Variants in GPC6 observed in about 807,000 individuals in gnomAD.
The protein encoded by GPC6 is glypican-6.
GPC6 carries 14 observed loss-of-function variants against 55.2 expected under a neutral mutation model. That is an observed-to-expected ratio of 0.25 (90% CI 0.17 to 0.40). The LOEUF is 0.40. GPC6 is among the 10% of genes least tolerant of loss of function. GPC6 has a pLI of 1.00. For missense variants in GPC6, 641 were observed against 708.5 expected (o/e 0.90, Z 1.08); for synonymous variants, 278 against 259.6 (o/e 1.07, Z -0.68).
intron 2 of GPC6, among the ~76,000 whole-genome samples, chr13:93,713,948 A>C (rs1260642532): frequency 2.6e-5 from 4 of 151,892 alleles, no homozygotes; most frequent in Non-Finnish European, 5.9e-5. Flanking sequence ...GATGGATTAA[A>C]TATTTAAGTG....
chr13:94,366,671 T>C (rs1323783616), intron 6 of GPC6, among the ~76,000 whole-genome samples: 1 of 151,676 alleles, frequency 6.6e-6, no homozygotes, highest in Non-Finnish European at 1.5e-5. Flanking sequence ...ATCCATGCTC[T>C]AAATCATGGC....
intron 4 of GPC6, among the ~76,000 whole-genome samples, chr13:94,173,961 A>T (rs1010006688): frequency 1.3e-5 from 2 of 152,204 alleles, no homozygotes; most frequent in Admixed American, 1.3e-4. Flanking sequence ...ATCTTTGATT[A>T]TCATCTTGAT....
chr13:94,383,729 A>G (rs1336177445), intron 7 of GPC6, among the ~76,000 whole-genome samples: 1 of 152,178 alleles, frequency 6.6e-6, no homozygotes, highest in Non-Finnish European at 1.5e-5. Flanking sequence ...TTATTAGTCC[A>G]TTCTCATGCT....
chr13:93,570,959 C>A (rs1876373170), intron 2 of GPC6, among the ~76,000 whole-genome samples: 1 of 151,972 alleles, frequency 6.6e-6, no homozygotes, highest in Non-Finnish European at 1.5e-5. Context: ...TGACGAGAGT[C>A]CTGATGTTGG....
At chr13:93,422,722 C>T (rs975085795) in intron 1 of GPC6, among the ~76,000 whole-genome samples, 3 of 152,128 alleles carry the variant, frequency 2.0e-5, no homozygotes, top group Admixed American at 6.6e-5. Flanking sequence ...GTATTCCAAA[C>T]ATATTTTTAC....
chr13:93,315,497 G>T (rs937195646), intron 1 of GPC6, among the ~76,000 whole-genome samples: 1 of 151,736 alleles, frequency 6.6e-6, no homozygotes, highest in South Asian at 2.1e-4. Flanking sequence ...TACTACCAAT[G>T]AATAGATAAG....
At chr13:93,974,484 G>A (rs950879182) in intron 3 of GPC6, among the ~76,000 whole-genome samples, 2 of 152,044 alleles carry the variant, frequency 1.3e-5, no homozygotes, top group Non-Finnish European at 2.9e-5. Flanking sequence ...ACATTCTAAT[G>A]TCAATGATGA....
At chr13:93,643,064 C>T (rs1880024725) in intron 2 of GPC6, among the ~76,000 whole-genome samples, 1 of 152,092 alleles carries the variant, frequency 6.6e-6, no homozygotes, top group African/African-American at 2.4e-5. Context: ...CTATTTTAAT[C>T]ACTAAAATAT....
chr13:93,906,471 C>T (rs2140331597), intron 3 of GPC6, among the ~76,000 whole-genome samples: 1 of 152,166 alleles, frequency 6.6e-6, no homozygotes, highest in Admixed American at 6.5e-5. Context: ...GCATGTTACC[C>T]AATGGTCCAA....
At chr13:93,704,752 G>A (rs1014740548) in intron 2 of GPC6, among the ~76,000 whole-genome samples, 5 of 151,932 alleles carry the variant, frequency 3.3e-5, no homozygotes, top group African/African-American at 7.2e-5. Context: ...GCAATGAGCC[G>A]ACTTGCAGAG....
intron 4 of GPC6, among the ~76,000 whole-genome samples, chr13:94,049,830 A>G (rs943344708): frequency 2.6e-5 from 4 of 152,128 alleles, no homozygotes; most frequent in Non-Finnish European, 5.9e-5. Flanking sequence ...TTCATCTTCA[A>G]CTATAGTTCC....
chr13:93,765,128 A>G (rs905511176), intron 2 of GPC6, among the ~76,000 whole-genome samples: 2 of 152,116 alleles, frequency 1.3e-5, no homozygotes, highest in South Asian at 2.1e-4. Context: ...TCATAAGCAT[A>G]TGTTTTTATA....
intron 2 of GPC6, among the ~76,000 whole-genome samples, chr13:93,605,418 T>C (rs1295021194): frequency 1.3e-5 from 2 of 152,224 alleles, no homozygotes; most frequent in Non-Finnish European, 2.9e-5. Flanking sequence ...ATTCCTCCTT[T>C]GATAGACTTT....
At chr13:93,454,186 T>A (rs2139305625) in intron 1 of GPC6, among the ~76,000 whole-genome samples, 1 of 141,380 alleles carries the variant, frequency 7.1e-6, no homozygotes. Flanking sequence ...TTTACAAACC[T>A]TGAGCTAGAT....
At chr13:94,218,351 G>A (rs1298857898) in intron 4 of GPC6, among the ~76,000 whole-genome samples, 1 of 152,090 alleles carries the variant, frequency 6.6e-6, no homozygotes, top group East Asian at 1.9e-4. Flanking sequence ...TGTACCCAAT[G>A]CCCACTTTGG....
chr13:93,288,053 T>G (rs575707313), intron 1 of GPC6, among the ~76,000 whole-genome samples: 2 of 152,326 alleles, frequency 1.3e-5, no homozygotes, highest in African/African-American at 4.8e-5. Context: ...TCCCTTTTAA[T>G]AAAATGTATC....
chr13:93,536,913 T>C (rs17300394), intron 1 of GPC6, among the ~76,000 whole-genome samples: 15,422 of 152,220 alleles, frequency 0.1, 934 homozygotes, highest in South Asian at 0.25. Context: ...CCTTTTAAAG[T>C]AAATAACTCA....
Position 94,127,285 on chromosome 13 carries a change from G to C in GPC6, c.877+99391G>C, listed in dbSNP as rs1052024882. Among the ~76,000 whole-genome samples, 3 of 152,126 alleles carry C rather than the reference G, an allele frequency of 2.0e-5. No individual in the cohort carries two copies. In the East Asian group the frequency reaches 5.8e-4, roughly 29 times the overall value. On this transcript the variant is annotated intron_variant, in intron 4 of 8. Transcript: ENST00000377047. ...ATCCCCAATGCTGGAGGTGGGGCTT[G>C]TTGGGAGGTGTTTGGATCATGGGGA...
At chr13:94,104,158 T>G (rs1160385066) in intron 4 of GPC6, among the ~76,000 whole-genome samples, 1 of 152,252 alleles carries the variant, frequency 6.6e-6, no homozygotes, top group Non-Finnish European at 1.5e-5. Flanking sequence ...CCCCATTTCT[T>G]GTTTTTGTCA....
Sources: gnomAD v4.1 joint callset for allele counts (sites outside exome capture counted in the v4.1 genomes callset) on GRCh38, gnomAD v4.1.1 for gene constraint, MANE v1.5 for transcripts, NCBI Gene and HGNC (gene_info 2026-07-23, HGNC 2026-07-21) for gene names.